SLC25A48: variants seen among roughly 807,000 people sequenced by gnomAD.
The protein encoded by SLC25A48 is solute carrier family 25 member 48.
SLC25A48 carries 29 observed loss-of-function variants against 32.2 expected under a neutral mutation model. The ratio of observed to expected loss-of-function variants is 0.90; its 90% confidence interval spans 0.67 to 1.23. The LOEUF is 1.23. Among genes scored for constraint, SLC25A48 ranks in the 50% most tolerant of loss-of-function variants. SLC25A48 has a pLI of 0.00. For missense variants in SLC25A48, 399 were observed against 422.7 expected (o/e 0.94, Z 0.49); for synonymous variants, 164 against 172.3 (o/e 0.95, Z 0.38).
chr5:135,683,303 T>C (rs966598554), intron 3 of SLC25A48, among the ~76,000 whole-genome samples: 1 of 152,198 alleles, frequency 6.6e-6, no homozygotes, highest in African/African-American at 2.4e-5. Flanking sequence ...TATAAAGGCA[T>C]TTTACAGTGT....
chr5:135,755,297 A>G (rs1430722116), intron 3 of SLC25A48, among the ~76,000 whole-genome samples: 1 of 152,130 alleles, frequency 6.6e-6, no homozygotes, highest in African/African-American at 2.4e-5. Context: ...GATATTAATG[A>G]AATATCGCTG....
At chr5:135,613,952 G>A (rs1305595748) in intron 1 of SLC25A48, among the ~76,000 whole-genome samples, 2 of 152,086 alleles carry the variant, frequency 1.3e-5, no homozygotes. Context: ...ATGAATTTTA[G>A]GATTGTTTTT....
At chr5:135,644,249 A>G (rs895232261) in intron 3 of SLC25A48, among the ~76,000 whole-genome samples, 4 of 152,084 alleles carry the variant, frequency 2.6e-5, no homozygotes, top group Admixed American at 1.3e-4. Flanking sequence ...AGCAGGGCAT[A>G]TTTGGACTGA....
chr5:135,845,865 C>T (rs1214628731), intron 2 of SLC25A48, among the ~76,000 whole-genome samples: 2 of 152,202 alleles, frequency 1.3e-5, no homozygotes, highest in Non-Finnish European at 2.9e-5. Flanking sequence ...TTCCTGTGCC[C>T]TTGGCTGCGT....
At chr5:135,775,510 G>T (rs1756531485) in intron 3 of SLC25A48, among the ~76,000 whole-genome samples, 1 of 151,552 alleles carries the variant, frequency 6.6e-6, no homozygotes, top group South Asian at 2.1e-4. Context: ...AGAGGAAGAT[G>T]ATAAAATTAC....
chr5:135,602,216 A>G (rs1023797357), intron 1 of SLC25A48, among the ~76,000 whole-genome samples: 24 of 152,252 alleles, frequency 1.6e-4, no homozygotes, highest in Non-Finnish European at 1.5e-5. Flanking sequence ...GTGCTGCTAA[A>G]GGAATTGAGA....
chr5:135,729,780 A>G (rs1237516963), intron 3 of SLC25A48, among the ~76,000 whole-genome samples: 1 of 152,204 alleles, frequency 6.6e-6, no homozygotes, highest in Non-Finnish European at 1.5e-5. Flanking sequence ...CTTCTCATCT[A>G]AAAGTAATAG....
intron 3 of SLC25A48, among the ~76,000 whole-genome samples, chr5:135,788,140 G>A (rs754801915): frequency 2.6e-5 from 4 of 151,282 alleles, no homozygotes; most frequent in Non-Finnish European, 4.4e-5. Context: ...ACATTCCCCT[G>A]GCATATGGTC....
In SLC25A48 at chr5:135,871,522, A is replaced by C. The variant is rs747851957; in HGVS notation, c.483A>C (p.Pro161=). The change falls in exon 5 of 8, where the codon CCA becomes CCC. Residue 161 remains proline (P), a synonymous_variant. Coordinates refer to ENST00000681962, the MANE Select transcript of SLC25A48 (RefSeq NM_001349336.2). ...APAEQPAYQG[P]VHCITTIVRN... is the part of the protein sequence containing the mutation. ...CGGAGCAGCCAGCATACCAGGGGCC[A>C]GTGCACTGCATTACAACCATTGTGA... 3.1e-6 allele frequency: 5 copies of C among 1,612,836 alleles called. No homozygotes were observed. The highest frequency in any genetic ancestry group is 4.2e-6 in the Non-Finnish European group (5 of 1,178,970).
chr5:135,886,727 C>T (rs987147638), intron 7 of SLC25A48, among the ~76,000 whole-genome samples: 1 of 140,062 alleles, frequency 7.1e-6, no homozygotes, highest in Non-Finnish European at 1.6e-5. Context: ...TGTAGTCTGA[C>T]TGTGGCCAGT....
chr5:135,746,853 C>G (rs954745357), intron 3 of SLC25A48, among the ~76,000 whole-genome samples: 1 of 152,190 alleles, frequency 6.6e-6, no homozygotes, highest in African/African-American at 2.4e-5. Context: ...ATCAGTCCTT[C>G]CTTTTTTTAG....
chr5:135,808,617 G>A (rs575167130), intron 3 of SLC25A48, among the ~76,000 whole-genome samples: 1 of 151,970 alleles, frequency 6.6e-6, no homozygotes, highest in Non-Finnish European at 1.5e-5. Flanking sequence ...TAAGTGTTGT[G>A]GACATCGAGA....
intron 4 of SLC25A48, among the ~76,000 whole-genome samples, chr5:135,870,896 T>G (rs1761582552): frequency 6.6e-6 from 1 of 151,006 alleles, no homozygotes; most frequent in East Asian, 1.9e-4. Context: ...TTATTTTATT[T>G]TTATAAAATT....
At chr5:135,639,430 C>T (rs1752782714) in intron 3 of SLC25A48, among the ~76,000 whole-genome samples, 1 of 152,086 alleles carries the variant, frequency 6.6e-6, no homozygotes, top group Non-Finnish European at 1.5e-5. Flanking sequence ...TTTGGGCATG[C>T]AATGGGGTAG....
chr5:135,689,921 C>T (rs1292953131), intron 3 of SLC25A48, among the ~76,000 whole-genome samples: 1 of 152,174 alleles, frequency 6.6e-6, no homozygotes, highest in Non-Finnish European at 1.5e-5. Flanking sequence ...TAGTTGCTGT[C>T]CTTGAGGAGT....
At chr5:135,607,108 A>G (rs1362988484) in intron 1 of SLC25A48, among the ~76,000 whole-genome samples, 1 of 152,110 alleles carries the variant, frequency 6.6e-6, no homozygotes, top group Non-Finnish European at 1.5e-5. Context: ...CTCATGCCCC[A>G]TGGCTGCCCT....
At chr5:135,652,230 C>T (rs1411078712) in intron 3 of SLC25A48, 5 of 388,938 alleles carry the variant, frequency 1.3e-5, no homozygotes, top group South Asian at 1.9e-5. Context: ...TGATATGACA[C>T]CATTCCCTGG....
chr5:135,656,517 G>A (rs925373088), intron 3 of SLC25A48, among the ~76,000 whole-genome samples: 8 of 152,146 alleles, frequency 5.3e-5, no homozygotes, highest in Admixed American at 1.3e-4. Flanking sequence ...CATCTTCTCC[G>A]TGTTCTGGGG....
chr5:135,728,932 G>A (rs146788787), intron 3 of SLC25A48, among the ~76,000 whole-genome samples: 2 of 151,630 alleles, frequency 1.3e-5, no homozygotes, highest in Non-Finnish European at 2.9e-5. Context: ...ACAGATGAGA[G>A]CTCCACATTC....
Sources: gnomAD v4.1 joint callset for allele counts (sites outside exome capture counted in the v4.1 genomes callset) on GRCh38, gnomAD v4.1.1 for gene constraint, MANE v1.5 for transcripts, NCBI Gene and HGNC (gene_info 2026-07-23, HGNC 2026-07-21) for gene names.